The following TBC1D5 variants were observed in gnomAD, a reference collection of about 807,000 sequenced individuals.
The protein encoded by TBC1D5 is TBC1 domain family member 5.
A neutral mutation model predicts 100.3 loss-of-function variants in TBC1D5; 75 were observed. The ratio of observed to expected loss-of-function variants is 0.75; its 90% CI spans 0.62 to 0.91. The LOEUF (loss-of-function observed/expected upper bound fraction) is 0.91, where lower values mean the gene tolerates loss of function less well. Among genes scored for constraint, TBC1D5 ranks in the 40% least tolerant of loss-of-function variants. The pLI, the probability that TBC1D5 is intolerant of heterozygous loss-of-function variation, is 0.00. For missense variants in TBC1D5, 910 were observed against 942.4 expected, an observed-to-expected ratio of 0.97 and a Z score of 0.45; for synonymous variants, 323 against 325.6, an observed-to-expected ratio of 0.99 and a Z score of 0.09.
At chr3:17,376,925 T>C (rs1303480388) in intron 9 of TBC1D5, among the ~76,000 whole-genome samples, 1 of 152,134 alleles carries the variant, frequency 6.6e-6, no homozygotes. Flanking sequence ...TCTGTACTCA[T>C]AAATATGAAT....
At chr3:17,614,613 AG>A (rs1349078397) in intron 2 of TBC1D5, among the ~76,000 whole-genome samples, 4 of 152,104 alleles carry the variant, frequency 2.6e-5, no homozygotes, top group African/African-American at 4.8e-5. Context: ...ATCCCTTGTA[AG>A]TTGGATTCCT....
chr3:17,220,830 C>G (rs1034257038), intron 17 of TBC1D5, among the ~76,000 whole-genome samples: 4 of 151,976 alleles, frequency 2.6e-5, no homozygotes, highest in African/African-American at 7.2e-5. Context: ...GGCCATAGAA[C>G]AAAAGACAAA....
rs562723026 is a variant in TBC1D5, at chr3:17,572,858, C to G, written c.-36+50991G>C. ...TCCCATCACTTGGCTTGATAGCAGT[C>G]AATTTATCCAAGGACTTCTCCTTAT... On this transcript the variant is annotated intron_variant, in intron 2 of 21. Transcript: ENST00000253692. 4.6e-5 allele frequency among the ~76,000 whole-genome samples: 7 copies of G among 152,170 alleles called. No individual in the cohort carries two copies. The East Asian group carries it at 1.4e-3, about 29-fold the overall frequency.
chr3:17,242,914 A>G (rs1423096813), intron 16 of TBC1D5, among the ~76,000 whole-genome samples: 1 of 152,184 alleles, frequency 6.6e-6, no homozygotes, highest in Non-Finnish European at 1.5e-5. Context: ...AAGTCATTCC[A>G]AGGCAACTTT....
intron 2 of TBC1D5, among the ~76,000 whole-genome samples, chr3:17,538,999 T>A (rs1350285280): frequency 6.6e-6 from 1 of 152,050 alleles, no homozygotes; most frequent in Non-Finnish European, 1.5e-5. Flanking sequence ...CTGGCCAACA[T>A]GGTGAAATCC....
chr3:17,190,522 A>C (rs1050842712), intron 18 of TBC1D5, among the ~76,000 whole-genome samples: 1 of 152,122 alleles, frequency 6.6e-6, no homozygotes, highest in Non-Finnish European at 1.5e-5. Context: ...GAACATGGGG[A>C]TAGTACGAGC....
Position 17,329,629 on chromosome 3 carries a change from A to T in TBC1D5, c.996-21495T>A, listed in dbSNP as rs116585083. ...TTACGAAGTATATTTAGACTTATTA[A>T]CATAAAAAGAGATAGTTAAAGTAAC... On this transcript the variant is annotated intron_variant, in intron 13 of 21. Coordinates refer to ENST00000253692, the Ensembl canonical transcript of TBC1D5. 3.4e-3 allele frequency among the ~76,000 whole-genome samples: 523 copies of T among 152,352 alleles called. 2 individuals are homozygous for T. The highest frequency in any genetic ancestry group is 0.012 in the African/African-American group (509 of 41,580).
At chr3:17,214,874 A>G (rs1047697527) in intron 17 of TBC1D5, among the ~76,000 whole-genome samples, 1 of 152,126 alleles carries the variant, frequency 6.6e-6, no homozygotes, top group Non-Finnish European at 1.5e-5. Context: ...TTTTAGCAAA[A>G]ACCTGAAGAA....
At chr3:17,417,129 C>T (rs6792589) in intron 4 of TBC1D5, among the ~76,000 whole-genome samples, 13,899 of 151,976 alleles carry the variant, frequency 0.091, 1,432 homozygotes, top group African/African-American at 0.26. Context: ...TCTAGATCTA[C>T]GAAAGTTGAG....
At chr3:17,544,960 G>C (rs1312569108) in intron 2 of TBC1D5, among the ~76,000 whole-genome samples, 1 of 152,082 alleles carries the variant, frequency 6.6e-6, no homozygotes, top group Non-Finnish European at 1.5e-5. Flanking sequence ...ATTAACTGTA[G>C]AATGAGCATA....
chr3:17,540,757 AT>A (rs998646762), intron 2 of TBC1D5, among the ~76,000 whole-genome samples: 1 of 151,850 alleles, frequency 6.6e-6, no homozygotes, highest in Non-Finnish European at 1.5e-5. Context: ...AAATACAAAA[AT>A]TAGCCGGGCA....
chr3:17,177,957 A>G, intron 19 of TBC1D5, among the ~76,000 whole-genome samples: 1 of 152,136 alleles, frequency 6.6e-6, no homozygotes, highest in Admixed American at 6.5e-5. Context: ...AATAAGAGAG[A>G]ACATGAAAAG....
At chr3:17,532,767 G>A (rs2096243534) in intron 2 of TBC1D5, among the ~76,000 whole-genome samples, 1 of 149,798 alleles carries the variant, frequency 6.7e-6, no homozygotes, top group South Asian at 2.1e-4. Context: ...GTTCTCACTT[G>A]TAGGTGGGAA....
intron 15 of TBC1D5, among the ~76,000 whole-genome samples, chr3:17,267,912 A>C (rs377358987): frequency 3.8e-4 from 58 of 152,326 alleles, no homozygotes; most frequent in African/African-American, 1.3e-3. Context: ...ATTCTTACCA[A>C]GGTCATTTGC....
At chr3:17,207,899 C>T (rs1451005368) in intron 18 of TBC1D5, among the ~76,000 whole-genome samples, 1 of 152,172 alleles carries the variant, frequency 6.6e-6, no homozygotes, top group Non-Finnish European at 1.5e-5. Flanking sequence ...TGACCCTGAA[C>T]CACTTTAAAA....
At chr3:17,511,614 G>A (rs1021274752) in intron 2 of TBC1D5, among the ~76,000 whole-genome samples, 5 of 151,866 alleles carry the variant, frequency 3.3e-5, no homozygotes, top group African/African-American at 4.8e-5. Context: ...GTTCATTTAA[G>A]GTGCTAAAAA....
chr3:17,353,236 T>C (rs138698440), intron 13 of TBC1D5, among the ~76,000 whole-genome samples: 7 of 152,158 alleles, frequency 4.6e-5, no homozygotes, highest in Non-Finnish European at 1.0e-4. Context: ...TTTACTCTTT[T>C]AGGGGTTTGT....
intron 15 of TBC1D5, among the ~76,000 whole-genome samples, chr3:17,291,277 TATAAC>T (rs1429627314): frequency 6.6e-6 from 1 of 152,252 alleles, no homozygotes; most frequent in Admixed American, 6.5e-5. Flanking sequence ...TTTCAAGAAA[TATAAC>T]ATTAGTTGTA....
chr3:17,572,602 G>T (rs1242089817), intron 2 of TBC1D5, among the ~76,000 whole-genome samples: 3 of 151,982 alleles, frequency 2.0e-5, no homozygotes, highest in East Asian at 3.9e-4. Flanking sequence ...AATGCTTCAT[G>T]TCCCATTTAT....
Sources: gnomAD v4.1 joint callset for allele counts (sites outside exome capture counted in the v4.1 genomes callset) on GRCh38, gnomAD v4.1.1 for gene constraint, MANE v1.5 for transcripts, NCBI Gene and HGNC (gene_info 2026-07-23, HGNC 2026-07-21) for gene names.